The following SPON1 variants were observed in gnomAD, a reference collection of about 807,000 sequenced individuals.
SPON1 encodes spondin-1.
A neutral mutation model predicts 111.7 loss-of-function variants in SPON1; 52 were observed. That is an observed-to-expected ratio of 0.47 (90% CI 0.37 to 0.59). The LOEUF (loss-of-function observed/expected upper bound fraction) is 0.59, where lower values mean the gene tolerates loss of function less well. Ranked by LOEUF, SPON1 falls within the 20% of genes least tolerant of loss-of-function variation. The pLI, the probability that SPON1 is intolerant of heterozygous loss-of-function variation, is 0.00. For missense variants in SPON1, 957 were observed against 1,068.5 expected, an observed-to-expected ratio of 0.90 and a Z score of 1.46; for synonymous variants, 410 against 395.8, an observed-to-expected ratio of 1.04 and a Z score of -0.43.
chr11:14,128,522 C>T (rs1201144611), intron 5 of SPON1, among the ~76,000 whole-genome samples: 1 of 152,202 alleles, frequency 6.6e-6, no homozygotes, highest in Non-Finnish European at 1.5e-5. Flanking sequence ...CAGGGTACAG[C>T]CCCCGCGGAT....
chr11:14,213,582 G>A (rs59075970), intron 6 of SPON1, among the ~76,000 whole-genome samples: 1 of 152,076 alleles, frequency 6.6e-6, no homozygotes, highest in Non-Finnish European at 1.5e-5. Context: ...TATTTATTGA[G>A]CACTTTCTAT....
chr11:14,149,543 T>G (rs1591389573), intron 6 of SPON1, among the ~76,000 whole-genome samples: 1 of 152,296 alleles, frequency 6.6e-6, no homozygotes, highest in East Asian at 1.9e-4. Context: ...GTTTATTAAG[T>G]CTACAGTAGT....
At chr11:14,018,341 G>A (rs1554914494) in intron 2 of SPON1, among the ~76,000 whole-genome samples, 1 of 152,154 alleles carries the variant, frequency 6.6e-6, no homozygotes, top group Non-Finnish European at 1.5e-5. Context: ...AAGGCATCCA[G>A]GTAGTCACTT....
At chr11:14,118,231 G>A (rs1416502846) in intron 5 of SPON1, among the ~76,000 whole-genome samples, 1 of 152,158 alleles carries the variant, frequency 6.6e-6, no homozygotes, top group Non-Finnish European at 1.5e-5. Flanking sequence ...ATCATCTGTA[G>A]TGCTACAGTT....
intron 6 of SPON1, among the ~76,000 whole-genome samples, chr11:14,216,092 G>C (rs73426171): frequency 0.022 from 3,323 of 152,284 alleles, 126 homozygotes; most frequent in African/African-American, 0.077. Context: ...CAAATGTATA[G>C]TTTGAAGTGT....
In SPON1 at chr11:14,262,851, A is replaced by G. The variant is rs782049104; in HGVS notation, c.2136A>G (p.Arg712=). The change falls in exon 15 of 16, where the codon CGA becomes CGG. Residue 712 remains arginine, a synonymous_variant. Transcript: ENST00000576479. ...GGAPCPETVQ[R]KKCRIRKCLR... The stretch of plus-strand genomic sequence containing the variant: ...CACCCTGCCCAGAGACTGTGCAGCG[A>G]AAAAAGTGCCGCATCCGAAAATGCC... 4 of 1,613,842 alleles carry G rather than the reference A, an allele frequency of 2.5e-6. No homozygotes were observed. The highest frequency in any genetic ancestry group is 2.2e-5 in the South Asian group (2 of 91,056).
intron 1 of SPON1, among the ~76,000 whole-genome samples, chr11:13,980,554 TTATTA>T (rs1256653440): frequency 7.9e-5 from 12 of 152,060 alleles, no homozygotes; most frequent in African/African-American, 2.4e-4. Context: ...TTTATTATTA[TTATTA>T]TATTTTAAGT....
At chr11:14,235,768 TA>T (rs1365913961) in intron 6 of SPON1, among the ~76,000 whole-genome samples, 2 of 140,236 alleles carry the variant, frequency 1.4e-5, no homozygotes, top group African/African-American at 5.4e-5. Flanking sequence ...GATAGTGGGA[TA>T]AAGGAATAGG....
chr11:14,013,563 G>A (rs1451313071), intron 2 of SPON1, among the ~76,000 whole-genome samples: 1 of 152,218 alleles, frequency 6.6e-6, no homozygotes, highest in Non-Finnish European at 1.5e-5. Flanking sequence ...CCCATTGACT[G>A]TGTTGCCTGC....
At chr11:14,046,337 A>G (rs1554917825) in intron 3 of SPON1, among the ~76,000 whole-genome samples, 6 of 152,178 alleles carry the variant, frequency 3.9e-5, no homozygotes. Flanking sequence ...GCCCATTGAT[A>G]TAATCTTTAC....
chr11:14,135,592 G>T lies in SPON1; in HGVS notation c.825+24G>T. The T allele has an allele frequency of 1.9e-6, 3 of 1,608,610 alleles. No homozygotes were observed. In the South Asian group the frequency reaches 3.3e-5, roughly 18 times the overall value. ...AGGTAAGACAAAAAAATCACAGAAT[G>T]ACCAAATAACAGAAATGCAGTCAAA... On this transcript the variant is annotated intron_variant, in intron 6 of 15. Transcript: ENST00000576479. This position sits in a 1 kb window ranked among gnomAD's most constrained non-coding sequence, Gnocchi z 4.4.
chr11:14,081,774 G>A (rs1554922075), intron 5 of SPON1, among the ~76,000 whole-genome samples: 2 of 152,060 alleles, frequency 1.3e-5, no homozygotes, highest in African/African-American at 4.8e-5. Flanking sequence ...CACATGATTG[G>A]ACTTAAGAAG....
intron 6 of SPON1, among the ~76,000 whole-genome samples, chr11:14,186,855 TGTGAA>T (rs1159578222): frequency 6.6e-6 from 1 of 152,220 alleles, no homozygotes; most frequent in African/African-American, 2.4e-5. Context: ...AAAGTAATCC[TGTGAA>T]GTGAAATTTC....
intron 3 of SPON1, among the ~76,000 whole-genome samples, chr11:14,065,306 G>A (rs1262133096): frequency 6.6e-6 from 1 of 152,230 alleles, no homozygotes; most frequent in Non-Finnish European, 1.5e-5. Flanking sequence ...GCGGGAGGAG[G>A]CTGAAGCCAA....
intron 1 of SPON1, among the ~76,000 whole-genome samples, chr11:13,970,846 ACT>A (rs1336429992): frequency 2.0e-5 from 3 of 152,058 alleles, no homozygotes; most frequent in Middle Eastern, 3.2e-3. Flanking sequence ...AGCCTTAAAC[ACT>A]CTCTGAAATT....
chr11:13,991,974 C>G (rs578069024), intron 2 of SPON1, among the ~76,000 whole-genome samples: 1 of 152,204 alleles, frequency 6.6e-6, no homozygotes, highest in Non-Finnish European at 1.5e-5. Flanking sequence ...AGCCAGAGCT[C>G]TCCTGTATGA....
chr11:14,113,637 C>G (rs1410923717), intron 5 of SPON1, among the ~76,000 whole-genome samples: 4 of 111,498 alleles, frequency 3.6e-5, no homozygotes, highest in Non-Finnish European at 6.8e-5. Context: ...GAGTCTCGCT[C>G]TGTCGCCCAG....
rs1848075373 is a variant in SPON1, at chr11:14,169,809, T to C, written c.825+34241T>C. Among the ~76,000 whole-genome samples the C allele has an allele frequency of 2.6e-5, 4 of 152,310 alleles. No individual in the cohort carries two copies. The South Asian group carries it at 8.3e-4, about 32-fold the overall frequency. On this transcript the variant is annotated intron_variant, in intron 6 of 15. Coordinates refer to ENST00000576479, the MANE Select transcript of SPON1 (RefSeq NM_006108.4). The stretch of plus-strand genomic sequence containing the variant: ...TTGTCAAAGATCAGATAGTTGTAGA[T>C]ATGTGGCATTATTTCTGAGGGCTCT...
chr11:14,030,080 G>A (rs1554915836), intron 2 of SPON1, among the ~76,000 whole-genome samples: 1 of 152,220 alleles, frequency 6.6e-6, no homozygotes, highest in African/African-American at 2.4e-5. Flanking sequence ...CCTCTTAGTT[G>A]CTGGGTGAGG....
Sources: gnomAD v4.1 joint callset for allele counts (sites outside exome capture counted in the v4.1 genomes callset) on GRCh38, gnomAD v4.1.1 for gene constraint, Gnocchi (gnomAD v3.1) non-coding constraint, MANE v1.5 for transcripts, NCBI Gene and HGNC (gene_info 2026-07-23, HGNC 2026-07-21) for gene names.